The following ARNT2 variants were observed in gnomAD, a reference collection of about 807,000 sequenced individuals.
The protein encoded by ARNT2 is aryl hydrocarbon receptor nuclear translocator 2.
In ARNT2, 36 loss-of-function variants were observed where a neutral mutation model predicts 91.7. That is an observed-to-expected ratio of 0.39 (90% confidence interval 0.30 to 0.52). ARNT2 has a LOEUF of 0.52. Among genes scored for constraint, ARNT2 ranks in the 20% least tolerant of loss-of-function variants. ARNT2 has a pLI of 0.72. For synonymous variants in ARNT2, 365 were observed against 347.1 expected (o/e 1.05, Z -0.57); for missense variants, 775 against 939.3 (o/e 0.83, Z 2.29).
chr15:80,446,394 C>T (rs1896304963), intron 1 of ARNT2, among the ~76,000 whole-genome samples: 3 of 152,140 alleles, frequency 2.0e-5, no homozygotes, highest in African/African-American at 2.4e-5. Context: ...AGCTTGCGCA[C>T]GGACCCCATG....
chr15:80,546,792 G>A (rs571914201), intron 8 of ARNT2, among the ~76,000 whole-genome samples: 159 of 152,052 alleles, frequency 1.0e-3, no homozygotes, highest in Non-Finnish European at 1.8e-3. Context: ...GTGAAACCCC[G>A]TCTCTACTAA....
chr15:80,527,307 G>A (rs1282241099), intron 8 of ARNT2, among the ~76,000 whole-genome samples: 1 of 152,206 alleles, frequency 6.6e-6, no homozygotes, highest in East Asian at 1.9e-4. Context: ...CAGGTCAAGG[G>A]TCATAACCGA....
chr15:80,477,877 T>C (rs1239879998), intron 5 of ARNT2, among the ~76,000 whole-genome samples: 2 of 152,208 alleles, frequency 1.3e-5, no homozygotes, highest in African/African-American at 4.8e-5. Flanking sequence ...AGTGTACAGC[T>C]GTTTTGGAAG....
Position 80,404,442 on chromosome 15 carries a change from C to G in ARNT2, c.-74C>G. The stretch of plus-strand genomic sequence containing the variant: ...CGGCGCCTGGGCCTGACCGGGTCCC[C>G]GGGGCTGAGCGCCGGGCTCCGCGCC... On this transcript the variant is annotated 5_prime_UTR_variant, in exon 1 of 19. Coordinates refer to ENST00000303329, the MANE Select transcript of ARNT2 (RefSeq NM_014862.4). This position sits in a 1 kb window ranked among gnomAD's most constrained non-coding sequence, Gnocchi z 5.5. 4.7e-6 allele frequency: 5 copies of G among 1,064,704 alleles called. No homozygotes were observed. The highest frequency in any genetic ancestry group is 4.5e-5 in the South Asian group (2 of 44,904). 66.0% of individuals were successfully genotyped at this position (1,064,704 alleles called of 1,614,324 possible).
intron 8 of ARNT2, among the ~76,000 whole-genome samples, chr15:80,521,718 G>A (rs1313205052): frequency 2.6e-5 from 4 of 152,006 alleles, no homozygotes; most frequent in Non-Finnish European, 4.4e-5. Context: ...TAAATAAAAC[G>A]TTTCGTAGAA....
chr15:80,473,046 A>G (rs933643989), intron 4 of ARNT2, among the ~76,000 whole-genome samples: 4 of 152,166 alleles, frequency 2.6e-5, no homozygotes, highest in African/African-American at 9.7e-5. Context: ...GGTTACATTT[A>G]TGGAGCACCT....
At chr15:80,419,489 G>T (rs1895832145) in intron 1 of ARNT2, among the ~76,000 whole-genome samples, 1 of 152,210 alleles carries the variant, frequency 6.6e-6, no homozygotes, top group Non-Finnish European at 1.5e-5. Context: ...TGTCACACTG[G>T]CTTTCCCTGG....
intron 9 of ARNT2, among the ~76,000 whole-genome samples, chr15:80,552,328 A>C (rs1474353837): frequency 2.0e-5 from 3 of 152,222 alleles, no homozygotes; most frequent in Non-Finnish European, 4.4e-5. Context: ...TTGAGCACCA[A>C]CTTGAGCAAA....
At chr15:80,582,966 A>G (rs1180514171) in intron 17 of ARNT2, among the ~76,000 whole-genome samples, 2 of 152,128 alleles carry the variant, frequency 1.3e-5, no homozygotes, top group Non-Finnish European at 2.9e-5. Flanking sequence ...CATAGACTCA[A>G]GGCCTCCTGG....
At position 80,551,214 on chromosome 15, in the gene ARNT2, A is replaced by C; in HGVS notation, c.893A>C (p.Glu298Ala). The change falls in exon 9 of 19, where the codon GAA becomes GCA. Residue 298 changes from glutamate to alanine, a missense_variant. Transcript: ENST00000303329. ...CCCATTTCAGGAATGACCATACCTG[A>C]AGAAGACGCTGATGTGGGACAAGGC... is the stretch of plus-strand genomic sequence containing the variant. ...AWPPAGMTIP[E>A]EDADVGQGSK... 2 of 1,614,014 alleles carry C rather than the reference A, an allele frequency of 1.2e-6. No individual in the cohort carries two copies. Among genetic ancestry groups the C allele is most frequent in the Non-Finnish European group, 1.7e-6 (2 of 1,179,854 alleles).
Position 80,581,306 on chromosome 15 carries a change from C to T in ARNT2, c.1820C>T (p.Pro607Leu), listed in dbSNP as rs777186849. The T allele has an allele frequency of 7.4e-6, 12 of 1,614,066 alleles. No individual in the cohort carries two copies. Among genetic ancestry groups the T allele is most frequent in the East Asian group, 4.5e-5 (2 of 44,894 alleles). Residue 607 changes from proline (P) to leucine (L), a missense_variant, in exon 17 of 19, where the codon CCG becomes CTG. Physicochemically the swap from Pro to Leu is moderately conservative, Grantham distance 98. Around this residue, in one of 5 missense-constraint regions of ARNT2, gnomAD observed 325 missense variants for 359.9 expected, o/e 0.90. Transcript: ENST00000303329. ...GGGATTGGAACGAGCCACACCTACC[C>T]GGCAGACCCCTCTTCCTACAGCCCC... Reference protein sequence around the residue: ...PFGIGTSHTYPADPSSYSPLS... With the variant: ...PFGIGTSHTYLADPSSYSPLS...
chr15:80,503,385 G>C (rs528133877), intron 5 of ARNT2, among the ~76,000 whole-genome samples: 2 of 152,350 alleles, frequency 1.3e-5, no homozygotes, highest in Admixed American at 6.5e-5. Flanking sequence ...TTTCAGAGGA[G>C]CCTGAAGAGC....
intron 1 of ARNT2, among the ~76,000 whole-genome samples, chr15:80,432,158 G>A (rs546026460): frequency 1.3e-5 from 2 of 152,322 alleles, no homozygotes; most frequent in South Asian, 4.1e-4. Context: ...ACTGCTCCCT[G>A]GAGGGTGTGG....
At chr15:80,471,078 G>A (rs185866973) in intron 4 of ARNT2, among the ~76,000 whole-genome samples, 3 of 152,304 alleles carry the variant, frequency 2.0e-5, no homozygotes, top group Non-Finnish European at 4.4e-5. Context: ...ATATGCTTAC[G>A]TATGTTCATT....
intron 1 of ARNT2, among the ~76,000 whole-genome samples, chr15:80,423,836 A>G (rs1469156896): frequency 6.6e-6 from 1 of 152,174 alleles, no homozygotes; most frequent in East Asian, 1.9e-4. Flanking sequence ...TCAGCTCCAA[A>G]GACAGACAGC....
intron 8 of ARNT2, among the ~76,000 whole-genome samples, chr15:80,522,820 GTA>G (rs57416544): frequency 1.2e-3 from 164 of 135,672 alleles, no homozygotes; most frequent in Admixed American, 3.4e-3. Context: ...GTGTGTGTGT[GTA>G]TATATATATA....
At chr15:80,441,193 G>T (rs1896182037) in intron 1 of ARNT2, 1 of 984,344 alleles carries the variant, frequency 1.0e-6, no homozygotes, top group South Asian at 4.7e-5. Flanking sequence ...CAAGACAGTT[G>T]TCACGGCTGA....
At chr15:80,478,781 A>G (rs1896844269) in intron 5 of ARNT2, among the ~76,000 whole-genome samples, 1 of 152,224 alleles carries the variant, frequency 6.6e-6, no homozygotes, top group South Asian at 2.1e-4. Flanking sequence ...TGCTCAGGAC[A>G]GGACTGGAGT....
At chr15:80,560,654 T>G (rs1898322067) in intron 11 of ARNT2, among the ~76,000 whole-genome samples, 1 of 152,128 alleles carries the variant, frequency 6.6e-6, no homozygotes, top group Non-Finnish European at 1.5e-5. Flanking sequence ...GTGCAGAAGA[T>G]GTGGGTTTCA....
Sources: allele counts gnomAD v4.1 joint callset (sites outside exome capture counted in the v4.1 genomes callset), GRCh38; gene constraint gnomAD v4.1.1; regional missense constraint gnomAD v4.1.1; non-coding constraint Gnocchi (gnomAD v3.1); transcripts MANE v1.5; gene names NCBI Gene and HGNC (gene_info 2026-07-23, HGNC 2026-07-21).